Variants in MLLT3 observed in about 807,000 individuals in gnomAD.
MLLT3 encodes protein AF-9.
A neutral mutation model predicts 53.2 loss-of-function variants in MLLT3; 4 were observed. The observed-to-expected ratio is 0.08, with a 90% CI of 0.04 to 0.17. The LOEUF is 0.17. Ranked by LOEUF, MLLT3 falls within the 10% of genes least tolerant of loss-of-function variation. The pLI is 1.00. For synonymous variants in MLLT3, 283 were observed against 230.6 expected, an observed-to-expected ratio of 1.23 and a Z score of -2.06; for missense variants, 569 against 684.0, an observed-to-expected ratio of 0.83 and a Z score of 1.87.
intron 2 of MLLT3, among the ~76,000 whole-genome samples, chr9:20,566,965 T>C (rs1168308399): frequency 6.6e-6 from 1 of 152,124 alleles, no homozygotes; most frequent in Non-Finnish European, 1.5e-5. Flanking sequence ...GATTCTGCTA[T>C]GTCCCTGATC....
chr9:20,359,597 A>G (rs1211065159), intron 8 of MLLT3, among the ~76,000 whole-genome samples: 1 of 152,234 alleles, frequency 6.6e-6, no homozygotes, highest in Non-Finnish European at 1.5e-5. Context: ...CAAACCTTAT[A>G]AATGAGGAAT....
intron 4 of MLLT3, among the ~76,000 whole-genome samples, chr9:20,434,288 T>TA (rs1823348508): frequency 6.6e-6 from 1 of 152,092 alleles, no homozygotes; most frequent in Non-Finnish European, 1.5e-5. Flanking sequence ...AAATAAATTC[T>TA]AAAGTATTCA....
chr9:20,491,904 G>T (rs534736318), intron 2 of MLLT3, among the ~76,000 whole-genome samples: 1 of 152,164 alleles, frequency 6.6e-6, no homozygotes, highest in East Asian at 1.9e-4. Flanking sequence ...GCATGATATG[G>T]AATATGGAGT....
intron 2 of MLLT3, among the ~76,000 whole-genome samples, chr9:20,612,592 CA>C (rs1820728681): frequency 6.6e-6 from 1 of 151,848 alleles, no homozygotes; most frequent in Non-Finnish European, 1.5e-5. Flanking sequence ...AAAGGAAGAA[CA>C]TCCTACAAAC....
At chr9:20,398,902 A>T (rs2118739648) in intron 5 of MLLT3, among the ~76,000 whole-genome samples, 1 of 152,206 alleles carries the variant, frequency 6.6e-6, no homozygotes, top group Non-Finnish European at 1.5e-5. Flanking sequence ...CAGCTAAAAA[A>T]CAAACAAACA....
chr9:20,528,392 T>C (rs775611330), intron 2 of MLLT3, among the ~76,000 whole-genome samples: 1 of 152,354 alleles, frequency 6.6e-6, no homozygotes, highest in African/African-American at 2.4e-5. Context: ...AACAGGAAAG[T>C]GGCTATATTA....
chr9:20,486,586 A>G (rs1403601262), intron 2 of MLLT3, among the ~76,000 whole-genome samples: 3 of 152,112 alleles, frequency 2.0e-5, no homozygotes, highest in Non-Finnish European at 4.4e-5. Context: ...CCACCTCACG[A>G]TTTTCTGAAA....
At chr9:20,561,605 C>A (rs1211446545) in intron 2 of MLLT3, among the ~76,000 whole-genome samples, 1 of 152,144 alleles carries the variant, frequency 6.6e-6, no homozygotes, top group East Asian at 1.9e-4. Flanking sequence ...AAAACCACCA[C>A]ACATGGTTGC....
chr9:20,545,218 A>G (rs1818755643), intron 2 of MLLT3, among the ~76,000 whole-genome samples: 1 of 152,102 alleles, frequency 6.6e-6, no homozygotes, highest in Admixed American at 6.6e-5. Context: ...ATATACATAC[A>G]GTGGAATGTT....
At chr9:20,589,070 C>T (rs567763430) in intron 2 of MLLT3, among the ~76,000 whole-genome samples, 3,239 of 150,916 alleles carry the variant, frequency 0.021, 108 homozygotes, top group African/African-American at 0.074. Context: ...TTTGACCCAG[C>T]CATCCCATTA....
intron 2 of MLLT3, among the ~76,000 whole-genome samples, chr9:20,558,387 T>C (rs1216512665): frequency 6.6e-6 from 1 of 152,154 alleles, no homozygotes; most frequent in Non-Finnish European, 1.5e-5. Context: ...CCTGCCTGCC[T>C]GCCTCAGCCT....
At chr9:20,380,599 T>G (rs899388241) in intron 5 of MLLT3, among the ~76,000 whole-genome samples, 1 of 151,996 alleles carries the variant, frequency 6.6e-6, no homozygotes, top group Non-Finnish European at 1.5e-5. Context: ...CTTCAACACA[T>G]TTAGTTGTAA....
At chr9:20,423,687 G>C (rs1823072783) in intron 4 of MLLT3, among the ~76,000 whole-genome samples, 1 of 151,674 alleles carries the variant, frequency 6.6e-6, no homozygotes, top group Non-Finnish European at 1.5e-5. Flanking sequence ...AGTGGCATGT[G>C]CCTGTAGTCC....
At chr9:20,374,755 G>A (rs548580235) in intron 5 of MLLT3, among the ~76,000 whole-genome samples, 2 of 152,126 alleles carry the variant, frequency 1.3e-5, no homozygotes, top group Non-Finnish European at 2.9e-5. Flanking sequence ...ATGTATTTTT[G>A]TGTAGCTCTA....
intron 2 of MLLT3, among the ~76,000 whole-genome samples, chr9:20,604,203 T>C (rs1820508464): frequency 6.6e-6 from 1 of 152,094 alleles, no homozygotes. Flanking sequence ...GAAATTTTGT[T>C]GGGATTTTTA....
At position 20,345,751 on chromosome 9, in the gene MLLT3, A is replaced by C. The variant is rs145493433; in HGVS notation, c.*692T>G. 1.7e-3 allele frequency: 385 copies of C among 220,370 alleles called. No homozygotes were observed. Among genetic ancestry groups the C allele is most frequent in the Non-Finnish European group, 2.8e-3 (312 of 109,592 alleles). 13.7% of individuals were successfully genotyped at this position (220,370 alleles called of 1,614,324 possible). A position where few individuals can be genotyped will look rare whatever the true frequency, so the allele number is the denominator to read the frequency against. The stretch of plus-strand genomic sequence containing the variant: ...GGATACAGCCAAGGACTGGGCCCCA[A>C]CTTTCAGGAAAAAGACCACAAAGAA... On this transcript the variant is annotated 3_prime_UTR_variant, in exon 11 of 11. Transcript: ENST00000380338.
chr9:20,374,389 A>G (rs1166341747), intron 5 of MLLT3, among the ~76,000 whole-genome samples: 1 of 152,242 alleles, frequency 6.6e-6, no homozygotes, highest in Non-Finnish European at 1.5e-5. Flanking sequence ...GTCTCAAAAT[A>G]AAATACATAA....
rs1188247014 is a variant in MLLT3, at chr9:20,413,775, A to T, written c.1071T>A (p.Asp357Glu). Residue 357 changes from aspartate (D) to glutamate (E), a missense_variant, in exon 5 of 11, where the codon GAT becomes GAA. Coordinates refer to ENST00000380338, the MANE Select transcript of MLLT3 (RefSeq NM_004529.4). ...KKKSTLPPFDDIVDPNDSDVE... is the reference protein window; with the variant it reads ...KKKSTLPPFDEIVDPNDSDVE... Reference sequence around the variant, plus strand: ...CATCTGAATCATTGGGATCCACAATATCATCAAATGGCGGTAACGTTGATT... The same window carrying T: ...CATCTGAATCATTGGGATCCACAATTTCATCAAATGGCGGTAACGTTGATT... 2 of 1,613,532 alleles carry T rather than the reference A, an allele frequency of 1.2e-6. No individual in the cohort carries two copies. The highest frequency in any genetic ancestry group is 8.5e-7 in the Non-Finnish European group (1 of 1,179,842).
At chr9:20,508,497 C>G (rs948217376) in intron 2 of MLLT3, among the ~76,000 whole-genome samples, 2 of 152,060 alleles carry the variant, frequency 1.3e-5, no homozygotes, top group Non-Finnish European at 2.9e-5. Context: ...AAACCCCAGT[C>G]ATAACTGTAG....
Sources: allele counts gnomAD v4.1 joint callset (sites outside exome capture counted in the v4.1 genomes callset), GRCh38; gene constraint gnomAD v4.1.1; transcripts MANE v1.5; gene names NCBI Gene and HGNC (gene_info 2026-07-23, HGNC 2026-07-21).